Variants in UBAP2 observed in about 807,000 individuals in gnomAD.
UBAP2 encodes the protein ubiquitin-associated protein 2.
Under a neutral mutation model 139.6 loss-of-function variants are expected in UBAP2, and 75 were observed. The ratio of observed to expected loss-of-function variants is 0.54; its 90% CI spans 0.45 to 0.65. UBAP2 has a LOEUF of 0.65. UBAP2 is among the 30% of genes least tolerant of loss of function. The pLI is 0.00. For missense variants in UBAP2, 1,368 were observed against 1,369.6 expected (o/e 1.00, Z 0.02); for synonymous variants, 526 against 526.2 (o/e 1.00, Z 0.01).
chr9:33,947,245 G>A (rs1159426423), intron 13 of UBAP2, among the ~76,000 whole-genome samples: 1 of 152,124 alleles, frequency 6.6e-6, no homozygotes, highest in Non-Finnish European at 1.5e-5. Context: ...CAGAACAGAG[G>A]AATATGCTTC....
At chr9:33,965,636 A>C (rs1827387985) in intron 8 of UBAP2, among the ~76,000 whole-genome samples, 1 of 152,200 alleles carries the variant, frequency 6.6e-6, no homozygotes, top group Non-Finnish European at 1.5e-5. Flanking sequence ...TATGGCATTG[A>C]ATTGCCTCAT....
intron 3 of UBAP2, chr9:33,997,200 A>T (rs975457721): frequency 3.9e-5 from 6 of 152,020 alleles, no homozygotes; most frequent in Non-Finnish European, 5.9e-5. Context: ...GATGAAAGAA[A>T]CTCTTCAGTT....
At chr9:34,047,950 T>C (rs1306949922) in intron 1 of UBAP2, among the ~76,000 whole-genome samples, 1 of 152,160 alleles carries the variant, frequency 6.6e-6, no homozygotes, top group Admixed American at 6.6e-5. Flanking sequence ...ATAGAAGTGG[T>C]AGTAAATGAC....
At chr9:34,016,246 GA>G (rs748075217) in intron 2 of UBAP2, among the ~76,000 whole-genome samples, 78,668 of 124,192 alleles carry the variant, frequency 0.63, 24,802 homozygotes, top group East Asian at 0.82. Context: ...AGGGGAGGAA[GA>G]GGAGGAGGAG....
intron 2 of UBAP2, among the ~76,000 whole-genome samples, chr9:34,010,995 A>G (rs912919684): frequency 6.6e-6 from 1 of 152,120 alleles, no homozygotes; most frequent in African/African-American, 2.4e-5. Context: ...TAATGACCCT[A>G]AAGGCAAGAA....
chr9:34,032,916 C>CAAAAAAAAAAAAAAAAAAA (rs71506153), intron 1 of UBAP2, among the ~76,000 whole-genome samples: 1 of 118,076 alleles, frequency 8.5e-6, no homozygotes, highest in Non-Finnish European at 1.7e-5. Context: ...ACCCTGTCTT[C>CAAAAAAAAAAAAAAAAAAA]AAAAAAAAAA....
chr9:33,986,104 G>C (rs1356580326), intron 6 of UBAP2, among the ~76,000 whole-genome samples: 1 of 151,788 alleles, frequency 6.6e-6, no homozygotes, highest in African/African-American at 2.4e-5. Flanking sequence ...CCAGGCTGGA[G>C]TGCAGTGAGG....
At chr9:34,038,259 G>A (rs1474823930) in intron 1 of UBAP2, among the ~76,000 whole-genome samples, 3 of 151,850 alleles carry the variant, frequency 2.0e-5, no homozygotes, top group Non-Finnish European at 4.4e-5. Context: ...GACCAGCCTG[G>A]CCAACACAGT....
Position 33,924,228 on chromosome 9 carries a change from G to GCTC in UBAP2, c.2565_2567dup (p.Gly855_Ser856insArg). On this transcript the variant is annotated inframe_insertion, in exon 23 of 29. Transcript: ENST00000379238. ...CACCTGGATATGGATTATTAGCTAGGCTCCCATCTCGGCTGGCAAGCGCTG... is the reference window on the plus strand; with the variant it reads ...CACCTGGATATGGATTATTAGCTAGGCTCCTCCCATCTCGGCTGGCAAGCGCTG... 1 of 1,614,192 alleles carries GCTC rather than the reference G, an allele frequency of 6.2e-7. No individual in the cohort carries two copies. The highest frequency in any genetic ancestry group is 8.5e-7 in the Non-Finnish European group (1 of 1,180,028).
At chr9:33,951,175 A>T (rs991413636) in intron 12 of UBAP2, among the ~76,000 whole-genome samples, 6 of 151,896 alleles carry the variant, frequency 4.0e-5, no homozygotes, top group Admixed American at 3.3e-4. Context: ...GGCATGTGCC[A>T]TGACAACCAG....
intron 10 of UBAP2, among the ~76,000 whole-genome samples, chr9:33,958,887 G>A (rs1826792033): frequency 6.6e-6 from 1 of 151,886 alleles, no homozygotes; most frequent in Non-Finnish European, 1.5e-5. Flanking sequence ...AGTGGCTCAT[G>A]CCTGTAATCC....
chr9:34,016,562 A>AT (rs527306680), intron 2 of UBAP2, among the ~76,000 whole-genome samples: 32 of 143,930 alleles, frequency 2.2e-4, no homozygotes, highest in Admixed American at 4.2e-4. Context: ...TATTTATTTT[A>AT]TTTTTTTTTT....
At chr9:33,986,877 A>G in intron 5 of UBAP2, 40 bp from the exon 6 acceptor site, 2 of 1,561,616 alleles carry the variant, frequency 1.3e-6, no homozygotes, top group Non-Finnish European at 1.8e-6. Flanking sequence ...TTCCATTTCC[A>G]AACCTCTTGT....
chr9:33,965,587 G>A (rs765678237), intron 8 of UBAP2, among the ~76,000 whole-genome samples: 1 of 152,168 alleles, frequency 6.6e-6, no homozygotes. Flanking sequence ...TCATGTTTAA[G>A]TGTAACCTTG....
intron 2 of UBAP2, among the ~76,000 whole-genome samples, chr9:34,008,117 G>C (rs1823397811): frequency 1.3e-5 from 2 of 151,924 alleles, no homozygotes; most frequent in South Asian, 2.1e-4. Flanking sequence ...CATGGCGACA[G>C]AGTGAGACTC....
chr9:33,938,225 C>T (rs1487492877), intron 16 of UBAP2, among the ~76,000 whole-genome samples: 1 of 152,076 alleles, frequency 6.6e-6, no homozygotes, highest in Non-Finnish European at 1.5e-5. Flanking sequence ...AACTCCTGGG[C>T]TCAAGTGATC....
chr9:33,948,672 G>C, intron 12 of UBAP2, 85 bp from the exon 13 acceptor site: 1 of 1,140,292 alleles, frequency 8.8e-7, no homozygotes, highest in Non-Finnish European at 1.3e-6. Context: ...ATTTTCACAA[G>C]TATGTTAAAA....
At chr9:33,972,364 C>CTCAT (rs928314956) in intron 7 of UBAP2, among the ~76,000 whole-genome samples, 7 of 152,156 alleles carry the variant, frequency 4.6e-5, no homozygotes, top group African/African-American at 1.7e-4. Context: ...CAATTTAAAG[C>CTCAT]TAATGAGCAG....
chr9:33,940,258 C>T (rs1825088396), intron 16 of UBAP2, among the ~76,000 whole-genome samples: 1 of 152,072 alleles, frequency 6.6e-6, no homozygotes, highest in South Asian at 2.1e-4. Flanking sequence ...TTCTCAGCTG[C>T]CTACACCAAG....
Sources: allele counts gnomAD v4.1 joint callset (sites outside exome capture counted in the v4.1 genomes callset), GRCh38; gene constraint gnomAD v4.1.1; transcripts MANE v1.5; gene names NCBI Gene and HGNC (gene_info 2026-07-23, HGNC 2026-07-21).